The following MAGI2 variants were observed in gnomAD, a reference collection of about 807,000 sequenced individuals.
MAGI2 encodes membrane-associated guanylate kinase, WW and PDZ domain-containing protein 2.
Under a neutral mutation model 133.3 loss-of-function variants are expected in MAGI2, and 35 were observed. That is an observed-to-expected ratio of 0.26 (90% confidence interval 0.20 to 0.35). The LOEUF is 0.35. Among genes scored for constraint, MAGI2 ranks in the 10% least tolerant of loss-of-function variants. MAGI2 has a pLI of 1.00. For missense variants in MAGI2, 1,636 were observed against 1,863.4 expected (o/e 0.88, Z 2.25); for synonymous variants, 729 against 710.6 (o/e 1.03, Z -0.41).
chr7:79,444,258 C>T (rs1192977198), intron 1 of MAGI2, among the ~76,000 whole-genome samples: 2 of 152,162 alleles, frequency 1.3e-5, no homozygotes, highest in Admixed American at 6.5e-5. Flanking sequence ...TGGCTCAAGA[C>T]AGGGATGCCC....
At chr7:79,390,295 A>C (rs2129149919) in intron 1 of MAGI2, among the ~76,000 whole-genome samples, 1 of 152,328 alleles carries the variant, frequency 6.6e-6, no homozygotes, top group Admixed American at 6.5e-5. Flanking sequence ...CAGGTACAGT[A>C]TTATTTTTCT....
At chr7:78,057,541 C>T (rs1241671332) in intron 21 of MAGI2, among the ~76,000 whole-genome samples, 1 of 152,152 alleles carries the variant, frequency 6.6e-6, no homozygotes, top group Non-Finnish European at 1.5e-5. Context: ...TTGCCATCCA[C>T]TGGTGTGAGG....
At chr7:78,765,009 A>T (rs2151307020) in intron 2 of MAGI2, among the ~76,000 whole-genome samples, 1 of 152,332 alleles carries the variant, frequency 6.6e-6, no homozygotes, top group South Asian at 2.1e-4. Context: ...ATTCAGGAAA[A>T]GAGGTACCTT....
chr7:79,401,380 G>A (rs1409175383), intron 1 of MAGI2, among the ~76,000 whole-genome samples: 2 of 152,126 alleles, frequency 1.3e-5, no homozygotes, highest in Non-Finnish European at 2.9e-5. Flanking sequence ...CTCTCATTCT[G>A]GCAATATCAG....
chr7:78,937,822 T>C (rs576031593), intron 2 of MAGI2, among the ~76,000 whole-genome samples: 2 of 152,178 alleles, frequency 1.3e-5, no homozygotes, highest in East Asian at 3.9e-4. Flanking sequence ...ATCAGTAAAA[T>C]GGGAGCTAGT....
At chr7:78,729,918 C>A (rs531362678) in intron 2 of MAGI2, among the ~76,000 whole-genome samples, 1 of 152,194 alleles carries the variant, frequency 6.6e-6, no homozygotes, top group African/African-American at 2.4e-5. Context: ...AGTAAGCTGA[C>A]AAAAATAAAA....
At chr7:78,969,013 G>A (rs1803557838) in intron 2 of MAGI2, among the ~76,000 whole-genome samples, 1 of 152,052 alleles carries the variant, frequency 6.6e-6, no homozygotes, top group South Asian at 2.1e-4. Context: ...TGCAAGTATA[G>A]CTATGTAAGC....
chr7:78,238,266 G>A (rs1415512031), intron 10 of MAGI2, among the ~76,000 whole-genome samples: 2 of 151,968 alleles, frequency 1.3e-5, no homozygotes, highest in Non-Finnish European at 2.9e-5. Flanking sequence ...CCATCTCTAC[G>A]TGGATGGCTT....
At chr7:78,599,560 C>T (rs956844250) in intron 3 of MAGI2, among the ~76,000 whole-genome samples, 2 of 152,018 alleles carry the variant, frequency 1.3e-5, no homozygotes, top group Admixed American at 6.6e-5. Context: ...CCAGAAATAC[C>T]GATTTCTTAA....
At chr7:78,750,234 G>T (rs963760952) in intron 2 of MAGI2, among the ~76,000 whole-genome samples, 108 of 152,146 alleles carry the variant, frequency 7.1e-4, no homozygotes, top group Non-Finnish European at 1.5e-5. Context: ...CGGCTGGATA[G>T]TATTCCATGG....
chr7:78,206,292 TTC>T (rs374406146), intron 10 of MAGI2, among the ~76,000 whole-genome samples: 2,118 of 63,532 alleles, frequency 0.033, 44 homozygotes, highest in African/African-American at 0.088. Flanking sequence ...TCCTTTTCCT[TTC>T]TTTTTTTTTT....
At chr7:78,092,316 T>C (rs994534473) in intron 20 of MAGI2, among the ~76,000 whole-genome samples, 34 of 152,238 alleles carry the variant, frequency 2.2e-4, no homozygotes, top group South Asian at 2.1e-4. Context: ...GATTTTTCTA[T>C]TGATATGCTA....
At chr7:78,458,855 A>C (rs372829171) in intron 6 of MAGI2, among the ~76,000 whole-genome samples, 6 of 152,238 alleles carry the variant, frequency 3.9e-5, no homozygotes, top group South Asian at 4.1e-4. Flanking sequence ...AGGATGGTCT[A>C]GATCTCCTGA....
At chr7:79,026,716 T>C (rs948794604) in intron 1 of MAGI2, among the ~76,000 whole-genome samples, 1 of 151,732 alleles carries the variant, frequency 6.6e-6, no homozygotes, top group African/African-American at 2.4e-5. Context: ...CCACTAAAAA[T>C]ACAAAAACTT....
chr7:78,167,507 T>C (rs1825729012), intron 15 of MAGI2, among the ~76,000 whole-genome samples: 1 of 152,236 alleles, frequency 6.6e-6, no homozygotes, highest in South Asian at 2.1e-4. Context: ...GGCTGTACAA[T>C]GAAAGCTAAT....
intron 1 of MAGI2, among the ~76,000 whole-genome samples, chr7:79,201,665 C>T (rs1033419801): frequency 2.0e-5 from 3 of 151,706 alleles, no homozygotes; most frequent in African/African-American, 7.3e-5. Context: ...GTTTGTTAAC[C>T]CACTGTTTCC....
intron 2 of MAGI2, among the ~76,000 whole-genome samples, chr7:78,922,992 T>C (rs1404957526): frequency 6.6e-6 from 1 of 152,188 alleles, no homozygotes; most frequent in African/African-American, 2.4e-5. Context: ...AAATGTCTTC[T>C]TTTGAGAAGT....
chr7:79,287,570 T>C (rs1836112747), intron 1 of MAGI2, among the ~76,000 whole-genome samples: 1 of 152,158 alleles, frequency 6.6e-6, no homozygotes, highest in African/African-American at 2.4e-5. Context: ...ATCAACTTTT[T>C]TCTGAGTAGC....
intron 1 of MAGI2, among the ~76,000 whole-genome samples, chr7:79,371,635 T>C (rs1469241069): frequency 6.6e-6 from 1 of 152,160 alleles, no homozygotes; most frequent in East Asian, 1.9e-4. Flanking sequence ...ACATATGTAG[T>C]AGACGACACC....
Sources: allele counts gnomAD v4.1 joint callset (sites outside exome capture counted in the v4.1 genomes callset), GRCh38; gene constraint gnomAD v4.1.1; transcripts MANE v1.5; gene names NCBI Gene and HGNC (gene_info 2026-07-23, HGNC 2026-07-21).